Variants in HTR7 observed in about 807,000 individuals in gnomAD.
HTR7 encodes the protein 5-hydroxytryptamine receptor 7, also known as 5-HT-7.
HTR7 carries 16 observed loss-of-function variants against 34.0 expected under a neutral mutation model. The observed-to-expected ratio is 0.47, with a 90% CI of 0.32 to 0.71. HTR7 has a LOEUF of 0.71. Ranked by LOEUF, HTR7 falls within the 30% of genes least tolerant of loss-of-function variation. HTR7 has a pLI of 0.04. For synonymous variants in HTR7, 265 were observed against 260.2 expected, an observed-to-expected ratio of 1.02 and a Z score of -0.18; for missense variants, 504 against 625.5, an observed-to-expected ratio of 0.81 and a Z score of 2.07.
chr10:90,770,937 C>T (rs1020119510), intron 1 of HTR7, among the ~76,000 whole-genome samples: 1 of 152,198 alleles, frequency 6.6e-6, no homozygotes, highest in Non-Finnish European at 1.5e-5. Context: ...TTCAGACCCA[C>T]CCATGGCCAC....
At chr10:90,826,110 G>A (rs1442476398) in intron 1 of HTR7, among the ~76,000 whole-genome samples, 2 of 152,044 alleles carry the variant, frequency 1.3e-5, no homozygotes, top group African/African-American at 4.8e-5. Flanking sequence ...AGTAGCAAGA[G>A]AAAAGAAACA....
chr10:90,854,950 G>A (rs1846556246), intron 1 of HTR7, among the ~76,000 whole-genome samples: 1 of 152,136 alleles, frequency 6.6e-6, no homozygotes, highest in Admixed American at 6.6e-5. Context: ...AATATCATCT[G>A]TCATATTCTA....
At chr10:90,743,951 G>A in intron 2 of HTR7, 1 of 627,440 alleles carries the variant, frequency 1.6e-6, no homozygotes, top group South Asian at 1.5e-5. Flanking sequence ...TGGTTATGCT[G>A]ATCAAGAAAA....
intron 1 of HTR7, among the ~76,000 whole-genome samples, chr10:90,820,487 G>A (rs1213323281): frequency 6.6e-6 from 1 of 152,162 alleles, no homozygotes; most frequent in Non-Finnish European, 1.5e-5. Flanking sequence ...GATACCTGCT[G>A]TAAGAAATGT....
intron 1 of HTR7, among the ~76,000 whole-genome samples, chr10:90,768,498 T>C (rs1845057295): frequency 6.6e-6 from 1 of 152,204 alleles, no homozygotes; most frequent in African/African-American, 2.4e-5. Context: ...CCCTTCATCT[T>C]TTCTTTGTCC....
In HTR7 at chr10:90,749,234, T is replaced by C; in HGVS notation, c.900A>G (p.Glu300=). ...GGAGTCTCGAAAGGTTTGCACACTC[T>C]TCCACCTCCTTCTGGAGCTTCACTA... is the stretch of plus-strand genomic sequence containing the variant. ...NGIVKLQKEV[E]ECANLSRLLK... The change falls in exon 2 of 4, where the codon GAA becomes GAG. Residue 300 remains glutamate (E), a synonymous_variant. Coordinates refer to ENST00000336152, the MANE Select transcript of HTR7 (RefSeq NM_019859.4). The surrounding 1 kb of genome is among the most constrained non-coding windows in gnomAD (Gnocchi z 4.2). 2 of 1,614,118 alleles carry C rather than the reference T, an allele frequency of 1.2e-6. No individual in the cohort carries two copies. The highest frequency in any genetic ancestry group is 1.7e-6 in the Non-Finnish European group (2 of 1,179,996).
intron 1 of HTR7, among the ~76,000 whole-genome samples, chr10:90,831,617 C>T (rs979025848): frequency 6.6e-6 from 1 of 152,236 alleles, no homozygotes; most frequent in Non-Finnish European, 1.5e-5. Flanking sequence ...ATTCTCTTAT[C>T]TGGCTCCACC....
At chr10:90,778,629 AG>A (rs1278313373) in intron 1 of HTR7, among the ~76,000 whole-genome samples, 1 of 152,252 alleles carries the variant, frequency 6.6e-6, no homozygotes, top group Non-Finnish European at 1.5e-5. Flanking sequence ...CTAAACGAAA[AG>A]TCCCACTGCT....
intron 1 of HTR7, among the ~76,000 whole-genome samples, chr10:90,789,260 A>G (rs559705639): frequency 2.6e-5 from 4 of 152,316 alleles, no homozygotes; most frequent in South Asian, 2.1e-4. Flanking sequence ...ATTCTCAAGC[A>G]ATTCTCAAGG....
intron 1 of HTR7, among the ~76,000 whole-genome samples, chr10:90,812,229 C>A (rs1481527763): frequency 6.6e-6 from 1 of 151,850 alleles, no homozygotes; most frequent in South Asian, 2.1e-4. Context: ...GACTGTGCCC[C>A]AAAAAAACTT....
intron 1 of HTR7, among the ~76,000 whole-genome samples, chr10:90,783,403 C>T (rs1204034613): frequency 1.3e-5 from 2 of 152,154 alleles, no homozygotes; most frequent in Admixed American, 1.3e-4. Context: ...TTATTTCCTG[C>T]CTCCAGAATG....
chr10:90,852,180 G>A (rs369181556), intron 1 of HTR7, among the ~76,000 whole-genome samples: 22 of 143,354 alleles, frequency 1.5e-4, no homozygotes, highest in African/African-American at 2.2e-4. Flanking sequence ...GCAACATAGC[G>A]AGACTGTCTC....
chr10:90,746,784 T>C (rs998655905), intron 2 of HTR7, among the ~76,000 whole-genome samples: 7 of 152,150 alleles, frequency 4.6e-5, no homozygotes, highest in Admixed American at 2.6e-4. Context: ...GTTCCCTACC[T>C]TCAAATCACC....
intron 1 of HTR7, among the ~76,000 whole-genome samples, chr10:90,807,517 C>G (rs1845722983): frequency 6.6e-6 from 1 of 152,202 alleles, no homozygotes; most frequent in South Asian, 2.1e-4. Context: ...TCAAAAACCT[C>G]CCCCACTGAG....
chr10:90,813,532 A>G (rs1845851756), intron 1 of HTR7, among the ~76,000 whole-genome samples: 1 of 151,978 alleles, frequency 6.6e-6, no homozygotes, highest in Non-Finnish European at 1.5e-5. Context: ...AAAAAAAAAA[A>G]AAAGAAATTA....
intron 1 of HTR7, among the ~76,000 whole-genome samples, chr10:90,839,565 A>G (rs1454800391): frequency 6.6e-6 from 1 of 152,236 alleles, no homozygotes. Context: ...AACAGAGGCC[A>G]TGATGAAAGT....
intron 1 of HTR7, among the ~76,000 whole-genome samples, chr10:90,754,286 T>C (rs1025864696): frequency 2.6e-5 from 4 of 152,074 alleles, no homozygotes; most frequent in Non-Finnish European, 5.9e-5. Context: ...TAAAATCCCA[T>C]AATTACTACA....
chr10:90,846,174 A>G lies in HTR7; in HGVS notation c.539+10959T>C, dbSNP rs553781905. 7.9e-5 allele frequency among the ~76,000 whole-genome samples: 12 copies of G among 152,348 alleles called. No individual in the cohort carries two copies. In the East Asian group the frequency reaches 2.3e-3, roughly 29 times the overall value. ...GGACCTAAGTCTAAACACAAAATTC[A>G]TTTATGTTCTATATTTACCTTGTAC... On this transcript the variant is annotated intron_variant, in intron 1 of 3. Transcript: ENST00000336152.
At chr10:90,772,925 C>G (rs1057081338) in intron 1 of HTR7, among the ~76,000 whole-genome samples, 13 of 152,172 alleles carry the variant, frequency 8.5e-5, no homozygotes, top group African/African-American at 2.9e-4. Flanking sequence ...GAAAGGTTTA[C>G]TCTCCCAACA....
Sources: allele counts gnomAD v4.1 joint callset (sites outside exome capture counted in the v4.1 genomes callset), GRCh38; gene constraint gnomAD v4.1.1; non-coding constraint Gnocchi (gnomAD v3.1); transcripts MANE v1.5; gene names NCBI Gene and HGNC (gene_info 2026-07-23, HGNC 2026-07-21).